Variants in CEP128 observed in about 807,000 individuals in gnomAD.
CEP128 encodes the protein centrosomal protein 128, also known as centrosomal protein 128kDa.
In CEP128, 132 loss-of-function variants were observed where a neutral mutation model predicts 156.7. The observed-to-expected ratio is 0.84, with a 90% CI of 0.73 to 0.97. The LOEUF is 0.97. Among genes scored for constraint, CEP128 ranks in the 50% least tolerant of loss-of-function variants. The pLI is 0.00. For synonymous variants in CEP128, 469 were observed against 448.9 expected, an observed-to-expected ratio of 1.04 and a Z score of -0.57; for missense variants, 1,252 against 1,281.9, an observed-to-expected ratio of 0.98 and a Z score of 0.36.
chr14:80,768,346 A>C (rs1031631068), intron 16 of CEP128, among the ~76,000 whole-genome samples: 40 of 152,184 alleles, frequency 2.6e-4, no homozygotes, highest in African/African-American at 9.2e-4. Context: ...TTTAAAGTAG[A>C]GTCAATAAGA....
chr14:80,914,212 C>A, intron 4 of CEP128, 110 bp downstream of exon 4: 1 of 730,722 alleles, frequency 1.4e-6, no homozygotes, highest in South Asian at 1.6e-5. Context: ...AGTTTAAAAT[C>A]TAAAGCACTT....
intron 19 of CEP128, among the ~76,000 whole-genome samples, chr14:80,613,825 A>G (rs1330096068): frequency 2.0e-5 from 3 of 152,160 alleles, no homozygotes; most frequent in African/African-American, 7.2e-5. Context: ...AAGGGGCAGA[A>G]GACAGCAAAT....
intron 19 of CEP128, among the ~76,000 whole-genome samples, chr14:80,618,516 G>A (rs1480563712): frequency 6.6e-6 from 1 of 152,198 alleles, no homozygotes; most frequent in African/African-American, 2.4e-5. Context: ...GAAGAAAGGA[G>A]GTTCCTGGAT....
intron 19 of CEP128, among the ~76,000 whole-genome samples, chr14:80,731,541 G>A (rs894025564): frequency 1.4e-4 from 22 of 152,258 alleles, no homozygotes; most frequent in African/African-American, 3.9e-4. Flanking sequence ...TGTGGGTAGC[G>A]ACCTTGTCAA....
intron 19 of CEP128, among the ~76,000 whole-genome samples, chr14:80,728,440 AT>A (rs1898101901): frequency 6.6e-6 from 1 of 152,108 alleles, no homozygotes; most frequent in East Asian, 1.9e-4. Context: ...TAATGAAATC[AT>A]TTGTATACTA....
Position 80,762,266 on chromosome 14 carries a change from C to T in CEP128, c.2377-653G>A, listed in dbSNP as rs545631931. Among the ~76,000 whole-genome samples the T allele has an allele frequency of 3.0e-4, 37 of 124,752 alleles. No individual in the cohort carries two copies. The South Asian group carries it at 9.0e-3, about 30-fold the overall frequency. 81.8% of individuals were successfully genotyped at this position (124,752 alleles called of 152,430 possible). A position where few individuals can be genotyped will look rare whatever the true frequency, so the allele number is the denominator to read the frequency against. ...ACTCTAGGCAAAAATAATTCTAAAT[C>T]ATTATGATTATACAGTTACATTACT... On this transcript the variant is annotated intron_variant, in intron 16 of 24. Transcript: ENST00000555265.
At chr14:80,780,221 A>G (rs1432761299) in intron 15 of CEP128, among the ~76,000 whole-genome samples, 1 of 152,248 alleles carries the variant, frequency 6.6e-6, no homozygotes, top group African/African-American at 2.4e-5. Context: ...GTTCAAATGA[A>G]GCTGAAAGAC....
chr14:80,784,657 A>G (rs1359478515), intron 15 of CEP128, among the ~76,000 whole-genome samples: 1 of 152,164 alleles, frequency 6.6e-6, no homozygotes, highest in Non-Finnish European at 1.5e-5. Flanking sequence ...TGAACTCCCC[A>G]AACAGCTAAA....
At chr14:80,504,008 C>T (rs922210393) in intron 24 of CEP128, among the ~76,000 whole-genome samples, 2 of 151,994 alleles carry the variant, frequency 1.3e-5, no homozygotes, top group African/African-American at 4.8e-5. Context: ...TATTTTACAG[C>T]AATATAGCTA....
chr14:80,556,638 A>G (rs1890449092), intron 21 of CEP128, among the ~76,000 whole-genome samples: 1 of 152,174 alleles, frequency 6.6e-6, no homozygotes, highest in East Asian at 1.9e-4. Flanking sequence ...TTCAGGTATT[A>G]TAACTACTGC....
At chr14:80,761,234 C>A (rs1431687156) in intron 17 of CEP128, among the ~76,000 whole-genome samples, 1 of 151,016 alleles carries the variant, frequency 6.6e-6, no homozygotes, top group Non-Finnish European at 1.5e-5. Flanking sequence ...GAGACACAGC[C>A]AATTCAATGA....
intron 19 of CEP128, among the ~76,000 whole-genome samples, chr14:80,647,052 T>TGC (rs1348472710): frequency 1.3e-3 from 6 of 4,624 alleles, no homozygotes; most frequent in South Asian, 3.0e-3. Context: ...TATATATATA[T>TGC]ATATATATAT....
intron 19 of CEP128, among the ~76,000 whole-genome samples, chr14:80,624,761 T>A (rs1367324256): frequency 6.6e-6 from 1 of 152,192 alleles, no homozygotes; most frequent in East Asian, 1.9e-4. Flanking sequence ...GCCCATTTTT[T>A]AATGATTATT....
intron 19 of CEP128, among the ~76,000 whole-genome samples, chr14:80,653,454 T>C (rs986317281): frequency 5.3e-5 from 8 of 152,160 alleles, no homozygotes; most frequent in African/African-American, 1.9e-4. Flanking sequence ...CTGCAGCAAG[T>C]TATCCAGAAG....
chr14:80,680,756 A>C (rs1418369246), intron 19 of CEP128, among the ~76,000 whole-genome samples: 1 of 152,180 alleles, frequency 6.6e-6, no homozygotes, highest in Non-Finnish European at 1.5e-5. Flanking sequence ...GAGGTTTCCC[A>C]GCTTTAACAC....
intron 21 of CEP128, among the ~76,000 whole-genome samples, chr14:80,533,822 T>C (rs1474391660): frequency 6.6e-6 from 1 of 152,176 alleles, no homozygotes; most frequent in African/African-American, 2.4e-5. Flanking sequence ...TTTCTTTTCA[T>C]CCTTATATTC....
chr14:80,724,928 C>T (rs1897955739), intron 19 of CEP128, among the ~76,000 whole-genome samples: 1 of 145,348 alleles, frequency 6.9e-6, no homozygotes, highest in African/African-American at 2.6e-5. Context: ...TTATTGGGCA[C>T]CTACTATATA....
upstream of CEP128, among the ~76,000 whole-genome samples, chr14:80,944,303 G>C (rs1594876841): frequency 6.6e-6 from 1 of 152,128 alleles, no homozygotes; most frequent in African/African-American, 2.4e-5. Flanking sequence ...ATCCCCACAT[G>C]TTGGGGGAGG....
In CEP128 at chr14:80,667,385, A is replaced by T. The variant is rs193065123; in HGVS notation, c.2806+75690T>A. On this transcript the variant is annotated intron_variant, in intron 19 of 24. Transcript: ENST00000555265. ...AGAAAGCCAGAGTCAACTATAAAAA[A>T]TGATTTAGAAATGTGGGATAGAAGT... Among the ~76,000 whole-genome samples, 17 of 152,348 alleles carry T rather than the reference A, an allele frequency of 1.1e-4. No homozygotes were observed. The East Asian group carries it at 1.2e-3, about 10-fold the overall frequency.
Sources: gnomAD v4.1 joint callset for allele counts (sites outside exome capture counted in the v4.1 genomes callset) on GRCh38, gnomAD v4.1.1 for gene constraint, MANE v1.5 for transcripts, NCBI Gene and HGNC (gene_info 2026-07-23, HGNC 2026-07-21) for gene names.